Variants in CC2D2A observed in about 807,000 individuals in gnomAD.
The protein encoded by CC2D2A is coiled-coil and C2 domain containing 2A.
In CC2D2A, 155 loss-of-function variants were observed where a neutral mutation model predicts 212.9. The ratio of observed to expected loss-of-function variants is 0.73; its 90% CI spans 0.64 to 0.83. CC2D2A has a LOEUF of 0.83. Among genes scored for constraint, CC2D2A ranks in the 40% least tolerant of loss-of-function variants. The probability of loss-of-function intolerance (pLI) is 0.00; values close to 1 mark genes in which losing one functional copy is unlikely to be tolerated. For missense variants in CC2D2A, 1,856 were observed against 1,956.2 expected, an observed-to-expected ratio of 0.95 and a Z score of 0.97; for synonymous variants, 667 against 686.5, an observed-to-expected ratio of 0.97 and a Z score of 0.44.
At chr4:15,494,850 T>C (rs1715523012) in intron 4 of CC2D2A, among the ~76,000 whole-genome samples, 1 of 152,244 alleles carries the variant, frequency 6.6e-6, no homozygotes, top group South Asian at 2.1e-4. Context: ...TTACAATATG[T>C]AACAGGGTGA....
intron 33 of CC2D2A, among the ~76,000 whole-genome samples, 172 bp downstream of exon 33, chr4:15,589,851 G>A (rs574097416): frequency 5.4e-4 from 82 of 151,178 alleles, no homozygotes; most frequent in African/African-American, 2.0e-3. Flanking sequence ...GCACAGTGGC[G>A]GAACTGTGCT....
At chr4:15,492,807 G>GT (rs1715383181) in intron 4 of CC2D2A, 2 of 659,880 alleles carry the variant, frequency 3.0e-6, no homozygotes, top group African/African-American at 3.6e-5. Context: ...AAATGAGCTT[G>GT]ATAAAGTGGT....
At chr4:15,552,939 C>T (rs759150598) in intron 18 of CC2D2A, among the ~76,000 whole-genome samples, 1 of 152,188 alleles carries the variant, frequency 6.6e-6, no homozygotes, top group Non-Finnish European at 1.5e-5. Context: ...CTCGAGAGTG[C>T]GTCATGAGAA....
chr4:15,598,854 T>C (rs1368762774), intron 35 of CC2D2A, among the ~76,000 whole-genome samples: 1 of 152,152 alleles, frequency 6.6e-6, no homozygotes, highest in African/African-American at 2.4e-5. Context: ...AGTATAGTCA[T>C]AACATTTCAA....
rs367861492 is a variant in CC2D2A at position 15,504,419 on chromosome 4, G to A, written c.438+1496G>A. The stretch of plus-strand genomic sequence containing the variant: ...AAAATATCTATAATCCCATCAGCTT[G>A]CCAAAAGAACTTTGGTTATTTTGGC... On this transcript the variant is annotated intron_variant, in intron 6 of 36. Transcript: ENST00000424120. Among the ~76,000 whole-genome samples, 90 of 152,192 alleles carry A rather than the reference G, an allele frequency of 5.9e-4. No homozygotes were observed. The East Asian group carries it at 0.016, about 27-fold the overall frequency.
At chr4:15,594,735 T>C (rs1448411862) in intron 33 of CC2D2A, among the ~76,000 whole-genome samples, 2 of 152,118 alleles carry the variant, frequency 1.3e-5, no homozygotes, top group Non-Finnish European at 2.9e-5. Flanking sequence ...GAGTGCAGAA[T>C]TGGGGCTAAT....
intron 4 of CC2D2A, among the ~76,000 whole-genome samples, chr4:15,491,842 C>G (rs1012294601): frequency 6.6e-6 from 1 of 152,108 alleles, no homozygotes; most frequent in Non-Finnish European, 1.5e-5. Context: ...CTTGTCTTTT[C>G]ATTTTCTTAA....
intron 23 of CC2D2A, among the ~76,000 whole-genome samples, 188 bp from the exon 24 acceptor site, chr4:15,563,167 T>C (rs1220459345): frequency 6.6e-6 from 1 of 152,162 alleles, no homozygotes; most frequent in African/African-American, 2.4e-5. Flanking sequence ...TAGAGTAAGT[T>C]TTAACAATCC....
intron 11 of CC2D2A, among the ~76,000 whole-genome samples, chr4:15,524,052 A>C (rs370157440): frequency 1.2e-4 from 18 of 152,212 alleles, no homozygotes; most frequent in African/African-American, 4.3e-4. Flanking sequence ...AGGTGGACCC[A>C]GACTTTGTTG....
At chr4:15,555,341 G>A in intron 20 of CC2D2A, 131 bp downstream of exon 20, 1 of 1,171,384 alleles carries the variant, frequency 8.5e-7, no homozygotes, top group Non-Finnish European at 1.2e-6. Flanking sequence ...TTGAATTCCA[G>A]CTGTGCTTCT....
At position 15,514,744 on chromosome 4, in the gene CC2D2A, A is replaced by G; in HGVS notation, c.755A>G (p.Asp252Gly). 1 of 1,604,312 alleles carries G rather than the reference A, an allele frequency of 6.2e-7. No individual in the cohort carries two copies. The highest frequency in any genetic ancestry group is 1.1e-5 in the South Asian group (1 of 90,102). ...EELLNGDDAE[D>G]FLLGLDHVAD... ...CTGCTTAATGGTGATGATGCCGAGGACTTCCTATTGGGCTTAGATCACGTG... is the reference window on the plus strand; with the variant it reads ...CTGCTTAATGGTGATGATGCCGAGGGCTTCCTATTGGGCTTAGATCACGTG... The change falls in exon 9 of 37, where the codon GAC becomes GGC. Residue 252 changes from aspartate (D) to glycine (G), a missense_variant. Around this residue, in one of 5 missense-constraint regions of CC2D2A, gnomAD observed 1,512 missense variants for 1,579.3 expected, o/e 0.96. Coordinates refer to ENST00000424120, the MANE Select transcript of CC2D2A (RefSeq NM_001378615.1).
chr4:15,534,858 C>T (rs565578817), intron 14 of CC2D2A, among the ~76,000 whole-genome samples: 2 of 151,996 alleles, frequency 1.3e-5, no homozygotes, highest in Non-Finnish European at 2.9e-5. Flanking sequence ...TACCAGAGCA[C>T]CTGCCACTTA....
intron 19 of CC2D2A, among the ~76,000 whole-genome samples, 166 bp from the exon 20 acceptor site, chr4:15,554,906 T>C (rs948562578): frequency 6.6e-6 from 1 of 152,358 alleles, no homozygotes; most frequent in South Asian, 2.1e-4. Context: ...TTATGTTTAA[T>C]AGCCATCATC....
rs374673957 is a variant in CC2D2A at position 15,542,777 on chromosome 4, G to A, written c.2181+1763G>A. On this transcript the variant is annotated intron_variant, in intron 17 of 36. Coordinates refer to ENST00000424120, the MANE Select transcript of CC2D2A (RefSeq NM_001378615.1). ...GGCTGACCAAGGCCAGCGCCTCCAGGGTCCTGTTCCCAAGCTGTGGTGGGC... is the reference window on the plus strand; with the variant it reads ...GGCTGACCAAGGCCAGCGCCTCCAGAGTCCTGTTCCCAAGCTGTGGTGGGC... Among the ~76,000 whole-genome samples, 330 of 152,222 alleles carry A rather than the reference G, an allele frequency of 2.2e-3. 5 individuals are homozygous for A. Among genetic ancestry groups the A allele is most frequent in the African/African-American group, 7.2e-3 (301 of 41,562 alleles).
intron 14 of CC2D2A, among the ~76,000 whole-genome samples, chr4:15,535,108 C>A (rs1469078414): frequency 2.0e-5 from 3 of 152,318 alleles, no homozygotes; most frequent in African/African-American, 7.2e-5. Flanking sequence ...GAGCACCTGC[C>A]ACTTAGTATC....
At position 15,495,383 on chromosome 4, in the gene CC2D2A, A is replaced by G. The variant is rs572761181; in HGVS notation, c.248-7046A>G. Among the ~76,000 whole-genome samples the G allele has an allele frequency of 3.0e-4, 45 of 152,324 alleles. No individual in the cohort carries two copies. In the Middle Eastern group the frequency reaches 0.014, roughly 46 times the overall value. ...CTCGGCCTCTCAAAGTGCTAGGATT[A>G]CAGGCATGAGCCACCACGCCCAGCC... On this transcript the variant is annotated intron_variant, in intron 4 of 36. Coordinates refer to ENST00000424120, the MANE Select transcript of CC2D2A (RefSeq NM_001378615.1).
At chr4:15,488,755 C>T (rs1454260053) in intron 4 of CC2D2A, among the ~76,000 whole-genome samples, 2 of 152,242 alleles carry the variant, frequency 1.3e-5, no homozygotes, top group Non-Finnish European at 2.9e-5. Flanking sequence ...GGTCAGGCTG[C>T]ATTTAGAGAT....
At position 15,536,826 on chromosome 4, in the gene CC2D2A, G is replaced by A. The variant is rs192710716; in HGVS notation, c.1608-94G>A. 1.1e-5 allele frequency: 13 copies of A among 1,159,708 alleles called. No individual in the cohort carries two copies. The East Asian group carries it at 3.2e-4, about 28-fold the overall frequency. 71.8% of individuals were successfully genotyped at this position (1,159,708 alleles called of 1,614,324 possible). A position where few individuals can be genotyped will look rare whatever the true frequency, so the allele number is the denominator to read the frequency against. On this transcript the variant is annotated intron_variant, in intron 14 of 36. Transcript: ENST00000424120. ...GTGCGACATTTTTAGAAGAGGAACT[G>A]GCACATAGCAAGTCCAATATAAGTA...
Position 15,523,482 on chromosome 4 carries a change from T to C in CC2D2A, c.1150-3965T>C, listed in dbSNP as rs142790024. Among the ~76,000 whole-genome samples the C allele has an allele frequency of 5.4e-4, 82 of 152,338 alleles. 1 individual carries two copies. The highest frequency in any genetic ancestry group is 1.6e-3 in the African/African-American group (67 of 41,590). ...AGATAAAACTGTCACTTTCCCATCA[T>C]TGTTCTCACCAGTTTTTCACCAAAG... On this transcript the variant is annotated intron_variant, in intron 11 of 36. Transcript: ENST00000424120.
Sources: gnomAD v4.1 joint callset for allele counts (sites outside exome capture counted in the v4.1 genomes callset) on GRCh38, gnomAD v4.1.1 for gene constraint, gnomAD v4.1.1 regional missense constraint, MANE v1.5 for transcripts, NCBI Gene and HGNC (gene_info 2026-07-23, HGNC 2026-07-21) for gene names.